Variants in TRAPPC9 observed in about 807,000 individuals in gnomAD.
The protein encoded by TRAPPC9 is trafficking protein particle complex subunit 9, also known as IKK2 binding protein.
TRAPPC9 carries 83 observed loss-of-function variants against 124.0 expected under a neutral mutation model. That is an observed-to-expected ratio of 0.67 (90% CI 0.56 to 0.80). TRAPPC9 has a LOEUF of 0.80. TRAPPC9 is among the 30% of genes least tolerant of loss of function. The pLI, the probability that TRAPPC9 is intolerant of heterozygous loss-of-function variation, is 0.00. For synonymous variants in TRAPPC9, 638 were observed against 617.5 expected (o/e 1.03, Z -0.49); for missense variants, 1,302 against 1,508.3 (o/e 0.86, Z 2.27).
At chr8:140,368,255 G>A (rs1425807375) in intron 8 of TRAPPC9, among the ~76,000 whole-genome samples, 1 of 152,140 alleles carries the variant, frequency 6.6e-6, no homozygotes, top group African/African-American at 2.4e-5. Context: ...ACCCTCTCCA[G>A]CAGGCCTTCT....
At chr8:139,912,627 C>T (rs1250615833) in intron 19 of TRAPPC9, among the ~76,000 whole-genome samples, 1 of 152,196 alleles carries the variant, frequency 6.6e-6, no homozygotes, top group Non-Finnish European at 1.5e-5. Flanking sequence ...CTCTCTACAC[C>T]ACTGCCAATA....
chr8:140,323,537 T>A (rs192454759), intron 9 of TRAPPC9, among the ~76,000 whole-genome samples: 129 of 152,100 alleles, frequency 8.5e-4, no homozygotes, highest in African/African-American at 2.9e-3. Context: ...GTATCAGAAG[T>A]AAATTAGAGG....
chr8:139,820,930 T>C (rs1028118152), intron 21 of TRAPPC9, among the ~76,000 whole-genome samples: 1 of 152,216 alleles, frequency 6.6e-6, no homozygotes, highest in Non-Finnish European at 1.5e-5. Context: ...TGTGTGTATA[T>C]ATATGTTTTA....
chr8:140,118,431 A>C (rs1384598063), intron 17 of TRAPPC9, among the ~76,000 whole-genome samples: 4 of 152,238 alleles, frequency 2.6e-5, no homozygotes, highest in Non-Finnish European at 4.4e-5. Flanking sequence ...AGGATTCTGT[A>C]ATGTCTGAGT....
At chr8:140,057,942 C>T (rs1842385299) in intron 17 of TRAPPC9, among the ~76,000 whole-genome samples, 1 of 152,212 alleles carries the variant, frequency 6.6e-6, no homozygotes, top group African/African-American at 2.4e-5. Flanking sequence ...GGAGGTGGTC[C>T]TGCCAGTCTC....
chr8:140,080,310 C>T lies in TRAPPC9; in HGVS notation c.2557-56231G>A, dbSNP rs79755435. ...GCACAACAGCTAACAGTACAAAACA[C>T]CACGCCACACTCATTCTTGTCTTAG... On this transcript the variant is annotated intron_variant, in intron 17 of 22. Transcript: ENST00000438773. Among the ~76,000 whole-genome samples the T allele has an allele frequency of 2.3e-3, 356 of 152,356 alleles. 2 individuals are homozygous for T. The East Asian group carries it at 0.029, about 12-fold the overall frequency.
At chr8:139,991,857 C>A (rs886845672) in intron 18 of TRAPPC9, among the ~76,000 whole-genome samples, 1 of 152,110 alleles carries the variant, frequency 6.6e-6, no homozygotes, top group African/African-American at 2.4e-5. Context: ...TAAAACCACT[C>A]TGATACAGTG....
At chr8:140,119,263 T>G (rs2060943467) in intron 17 of TRAPPC9, among the ~76,000 whole-genome samples, 1 of 152,256 alleles carries the variant, frequency 6.6e-6, no homozygotes, top group Non-Finnish European at 1.5e-5. Flanking sequence ...CTCAGGCTAA[T>G]TTTAGCCATA....
intron 9 of TRAPPC9, among the ~76,000 whole-genome samples, 175 bp from the exon 10 acceptor site, chr8:140,311,549 G>A (rs543874465): frequency 2.0e-5 from 3 of 152,292 alleles, no homozygotes; most frequent in South Asian, 2.1e-4. Context: ...CCACTTATTC[G>A]AAAATCACCG....
chr8:140,316,006 G>T (rs1178465370), intron 9 of TRAPPC9, among the ~76,000 whole-genome samples: 1 of 152,048 alleles, frequency 6.6e-6, no homozygotes. Context: ...TTTGACTATG[G>T]CTGCCCTAAA....
intron 7 of TRAPPC9, among the ~76,000 whole-genome samples, chr8:140,374,019 G>A (rs940555399): frequency 1.3e-5 from 2 of 152,226 alleles, no homozygotes; most frequent in African/African-American, 4.8e-5. Context: ...TCTCTGTGAT[G>A]TAGCTCAATC....
chr8:140,409,593 C>A (rs1375943894), intron 5 of TRAPPC9, among the ~76,000 whole-genome samples: 1 of 152,148 alleles, frequency 6.6e-6, no homozygotes, highest in Non-Finnish European at 1.5e-5. Context: ...AAACCCGGTA[C>A]CTGCACACTT....
At chr8:139,914,360 C>T (rs1469598094) in intron 19 of TRAPPC9, among the ~76,000 whole-genome samples, 4 of 152,202 alleles carry the variant, frequency 2.6e-5, no homozygotes, top group East Asian at 1.9e-4. Flanking sequence ...CCAGGGCCAC[C>T]GAGGGGCACG....
At chr8:140,452,661 A>G (rs1298261592) in intron 1 of TRAPPC9, among the ~76,000 whole-genome samples, 2 of 152,194 alleles carry the variant, frequency 1.3e-5, no homozygotes, top group Non-Finnish European at 2.9e-5. Flanking sequence ...GGGAAAAATT[A>G]AATTAGATGA....
At chr8:140,062,840 C>A (rs1255077309) in intron 17 of TRAPPC9, among the ~76,000 whole-genome samples, 1 of 152,186 alleles carries the variant, frequency 6.6e-6, no homozygotes, top group Non-Finnish European at 1.5e-5. Flanking sequence ...CAGAGCCACC[C>A]AGCACCCCGA....
At chr8:139,888,857 T>C (rs557634444) in intron 20 of TRAPPC9, among the ~76,000 whole-genome samples, 41 of 152,346 alleles carry the variant, frequency 2.7e-4, no homozygotes, top group Admixed American at 2.4e-3. Context: ...GGCAGCTATC[T>C]GAGCTAGGGT....
intron 21 of TRAPPC9, among the ~76,000 whole-genome samples, chr8:139,857,879 G>A (rs895062485): frequency 1.3e-5 from 2 of 152,238 alleles, no homozygotes; most frequent in Non-Finnish European, 2.9e-5. Context: ...ACAGGTCACC[G>A]AAGAGGCAGT....
At chr8:139,774,983 C>G (rs767891640) in intron 21 of TRAPPC9, among the ~76,000 whole-genome samples, 6 of 152,214 alleles carry the variant, frequency 3.9e-5, no homozygotes, top group Non-Finnish European at 5.9e-5. Flanking sequence ...TCGCCTCATG[C>G]AATGCTTAAC....
chr8:140,373,338 G>C (rs1207065542), intron 7 of TRAPPC9, among the ~76,000 whole-genome samples: 1 of 152,210 alleles, frequency 6.6e-6, no homozygotes. Context: ...GGCTGTACTA[G>C]GTGACGCCGC....
Sources: allele counts gnomAD v4.1 joint callset (sites outside exome capture counted in the v4.1 genomes callset), GRCh38; gene constraint gnomAD v4.1.1; transcripts MANE v1.5; gene names NCBI Gene and HGNC (gene_info 2026-07-23, HGNC 2026-07-21).